AUTS2: variants seen among roughly 807,000 people sequenced by gnomAD.
The protein encoded by AUTS2 is activator of transcription and developmental regulator AUTS2.
AUTS2 carries 17 observed loss-of-function variants against 112.4 expected under a neutral mutation model. The ratio of observed to expected loss-of-function variants is 0.15; its 90% CI spans 0.10 to 0.23. The LOEUF (loss-of-function observed/expected upper bound fraction) is 0.23. Among genes scored for constraint, AUTS2 ranks in the 10% least tolerant of loss-of-function variants. The pLI, the probability that AUTS2 is intolerant of heterozygous loss-of-function variation, is 1.00. For synonymous variants in AUTS2, 751 were observed against 702.7 expected (o/e 1.07, Z -1.09); for missense variants, 1,510 against 1,701.6 (o/e 0.89, Z 1.98).
intron 4 of AUTS2, among the ~76,000 whole-genome samples, chr7:70,422,718 G>A (rs1795274482): frequency 6.6e-6 from 1 of 152,170 alleles, no homozygotes; most frequent in South Asian, 2.1e-4. Flanking sequence ...GGAAGTTGCA[G>A]TGAGCCAAGA....
intron 2 of AUTS2, among the ~76,000 whole-genome samples, chr7:70,023,001 G>A (rs879361792): frequency 9.2e-5 from 14 of 152,126 alleles, no homozygotes; most frequent in Non-Finnish European, 1.5e-4. Flanking sequence ...ACAGGCACAC[G>A]CCACCATACC....
chr7:69,939,088 C>T (rs1160745471), intron 2 of AUTS2, among the ~76,000 whole-genome samples: 1 of 152,168 alleles, frequency 6.6e-6, no homozygotes, highest in African/African-American at 2.4e-5. Context: ...AACTTAAATA[C>T]TCTTGTATCC....
At position 70,767,732 on chromosome 7, in the gene AUTS2, T is replaced by C. The variant is rs371541894; in HGVS notation, c.1690-292T>C. 2.8e-4 allele frequency among the ~76,000 whole-genome samples: 42 copies of C among 152,328 alleles called. 2 individuals are homozygous for C. The highest frequency in any genetic ancestry group is 9.9e-4 in the African/African-American group (41 of 41,578). The stretch of plus-strand genomic sequence containing the variant: ...GATTTATCTGGATAATTGGCTGTTC[T>C]CTCCTGTTTAGAGGTTTGGTTCGTG... On this transcript the variant is annotated intron_variant, in intron 9 of 18. Coordinates refer to ENST00000342771, the MANE Select transcript of AUTS2 (RefSeq NM_015570.4).
chr7:70,077,464 G>A (rs964922355), intron 2 of AUTS2, among the ~76,000 whole-genome samples: 7 of 152,204 alleles, frequency 4.6e-5, no homozygotes, highest in African/African-American at 1.7e-4. Context: ...ATTGGCTAGA[G>A]ACCCTGTCAC....
At chr7:70,336,053 T>C (rs1790975721) in intron 4 of AUTS2, among the ~76,000 whole-genome samples, 1 of 152,246 alleles carries the variant, frequency 6.6e-6, no homozygotes, top group African/African-American at 2.4e-5. Flanking sequence ...AAACAAATCA[T>C]GATCTTTCAC....
intron 5 of AUTS2, among the ~76,000 whole-genome samples, chr7:70,623,871 CAA>C (rs150461704): frequency 0.014 from 2,174 of 152,294 alleles, 44 homozygotes; most frequent in African/African-American, 0.05. Flanking sequence ...GGCCACAATT[CAA>C]AGTGTTCTCT....
chr7:69,735,621 C>A (rs1027297735), intron 1 of AUTS2, among the ~76,000 whole-genome samples: 1 of 152,146 alleles, frequency 6.6e-6, no homozygotes. Context: ...CCCCTTTTCT[C>A]CCCAGAGCTA....
intron 4 of AUTS2, among the ~76,000 whole-genome samples, chr7:70,385,926 A>G (rs2129633560): frequency 6.6e-6 from 1 of 152,220 alleles, no homozygotes; most frequent in Non-Finnish European, 1.5e-5. Flanking sequence ...GTTTCTACTC[A>G]ACAGTATGGT....
intron 4 of AUTS2, among the ~76,000 whole-genome samples, chr7:70,193,376 A>G (rs1271998540): frequency 2.0e-5 from 3 of 152,214 alleles, no homozygotes; most frequent in Non-Finnish European, 4.4e-5. Context: ...TTAAAACAGG[A>G]ATACTGCTAG....
chr7:70,755,572 G>A (rs1789146135), intron 6 of AUTS2, among the ~76,000 whole-genome samples: 1 of 151,954 alleles, frequency 6.6e-6, no homozygotes, highest in South Asian at 2.1e-4. Context: ...AAGGTTGTCA[G>A]AAGAATCAGT....
intron 5 of AUTS2, among the ~76,000 whole-genome samples, chr7:70,629,166 C>A (rs1805123757): frequency 6.6e-6 from 1 of 152,104 alleles, no homozygotes; most frequent in Non-Finnish European, 1.5e-5. Context: ...TGCAAACCAA[C>A]CCTTCTATTT....
intron 2 of AUTS2, among the ~76,000 whole-genome samples, chr7:70,031,172 G>A (rs1424820912): frequency 6.6e-6 from 1 of 152,126 alleles, no homozygotes; most frequent in Non-Finnish European, 1.5e-5. Context: ...GCATTTGTGA[G>A]GGCCTTCCCC....
rs1791905753 is a variant in AUTS2, at chr7:70,790,896, T to C, written c.3680T>C (p.Leu1227Pro). The change falls in exon 19 of 19, where the codon CTG becomes CCG. Residue 1227 changes from leucine (L) to proline (P), a missense_variant. Leu to Pro is a moderately conservative substitution (Grantham distance 98). Around this residue, in one of 3 missense-constraint regions of AUTS2, gnomAD observed 788 missense variants for 797.6 expected, o/e 0.99. Coordinates refer to ENST00000342771, the MANE Select transcript of AUTS2 (RefSeq NM_015570.4). This position sits in a 1 kb window ranked among gnomAD's most constrained non-coding sequence, Gnocchi z 7.6. ...LSAPPPLIST[L>P]GGRPVSPRRT... ...GCACCTCCCCCGCTCATCTCCACGC[T>C]GGGGGGCCGCCCGGTCTCTCCCAGA... 1 of 1,595,078 alleles carries C rather than the reference T, an allele frequency of 6.3e-7. No homozygotes were observed. Among genetic ancestry groups the C allele is most frequent in the Non-Finnish European group, 8.5e-7 (1 of 1,170,324 alleles).
intron 5 of AUTS2, among the ~76,000 whole-genome samples, chr7:70,530,241 A>C (rs1323829074): frequency 6.6e-6 from 1 of 152,156 alleles, no homozygotes; most frequent in Non-Finnish European, 1.5e-5. Context: ...TGGGTTTATG[A>C]GGAGAGTGAT....
rs111555232 is a variant in AUTS2 at position 69,980,595 on chromosome 7, T to TA, written c.522+81108dup. ...GGAAACAGTTAAAGCTTGAAACTGT[T>TA]AAAAAAAAAAAGTGTACGCTTACAT... On this transcript the variant is annotated intron_variant, in intron 2 of 18. Coordinates refer to ENST00000342771, the MANE Select transcript of AUTS2 (RefSeq NM_015570.4). 5.4e-3 allele frequency among the ~76,000 whole-genome samples: 787 copies of TA among 146,940 alleles called. 5 individuals are homozygous for TA. The highest frequency in any genetic ancestry group is 9.6e-3 in the African/African-American group (388 of 40,290).
At chr7:70,083,527 T>A (rs1803427354) in intron 2 of AUTS2, among the ~76,000 whole-genome samples, 1 of 152,204 alleles carries the variant, frequency 6.6e-6, no homozygotes, top group Admixed American at 6.5e-5. Context: ...CTTAGGACGA[T>A]TGTATTTTCC....
chr7:69,982,007 A>C (rs1798313834), intron 2 of AUTS2, among the ~76,000 whole-genome samples: 1 of 152,146 alleles, frequency 6.6e-6, no homozygotes. Flanking sequence ...AATCTTGTTT[A>C]TATCAGTGTG....
chr7:70,234,138 C>T lies in AUTS2; in HGVS notation c.660+99567C>T, dbSNP rs778268377. On this transcript the variant is annotated intron_variant, in intron 4 of 18. Transcript: ENST00000342771. ...GTGGATCAGAAGCCATAGATATTTG[C>T]GCTTCTCATAGGCTGTGCTTTTCTG... 4.6e-5 allele frequency among the ~76,000 whole-genome samples: 7 copies of T among 152,092 alleles called. No individual in the cohort carries two copies. The East Asian group carries it at 7.7e-4, about 17-fold the overall frequency.
chr7:70,350,785 A>G (rs1267864282), intron 4 of AUTS2, among the ~76,000 whole-genome samples: 1 of 152,134 alleles, frequency 6.6e-6, no homozygotes, highest in African/African-American at 2.4e-5. Flanking sequence ...TCAGTCTACA[A>G]TATTATTAAC....
Sources: gnomAD v4.1 joint callset for allele counts (sites outside exome capture counted in the v4.1 genomes callset) on GRCh38, gnomAD v4.1.1 for gene constraint, gnomAD v4.1.1 regional missense constraint, Gnocchi (gnomAD v3.1) non-coding constraint, MANE v1.5 for transcripts, NCBI Gene and HGNC (gene_info 2026-07-23, HGNC 2026-07-21) for gene names.